COL18A1: variants seen among roughly 807,000 people sequenced by gnomAD.
COL18A1 encodes the protein collagen alpha-1(XVIII) chain.
COL18A1 carries 133 observed loss-of-function variants against 168.0 expected under a neutral mutation model. That is an observed-to-expected ratio of 0.79 (90% CI 0.69 to 0.91). The LOEUF (loss-of-function observed/expected upper bound fraction) is 0.91, where lower values mean the gene tolerates loss of function less well. Among genes scored for constraint, COL18A1 ranks in the 40% least tolerant of loss-of-function variants. The probability of loss-of-function intolerance (pLI) is 0.00; values close to 1 mark genes in which losing one functional copy is unlikely to be tolerated. For synonymous variants in COL18A1, 949 were observed against 809.0 expected, an observed-to-expected ratio of 1.17 and a Z score of -2.94; for missense variants, 2,126 against 1,925.4, an observed-to-expected ratio of 1.10 and a Z score of -1.95.
Position 45,505,139 on chromosome 21 carries a change from C to CA in COL18A1, c.2876dup (p.Glu961ArgfsTer126). 1 of 1,609,492 alleles carries CA rather than the reference C, an allele frequency of 6.2e-7. No individual in the cohort carries two copies. The highest frequency in any genetic ancestry group is 8.5e-7 in the Non-Finnish European group (1 of 1,178,874). The stretch of plus-strand genomic sequence containing the variant: ...TCTCTTGTCGCCGTCCGTAGGGTCC[C>CA]AAGGGAGAGAGCATCCGGGGCCAGC... On this transcript the variant is annotated frameshift_variant, in exon 35 of 42. Coordinates refer to ENST00000651438, the MANE Select transcript of COL18A1 (RefSeq NM_001379500.1). LOFTEE classifies it high-confidence loss of function.
chr21:45,426,186 C>A (rs1403178466), intron 2 of COL18A1, among the ~76,000 whole-genome samples: 1 of 152,104 alleles, frequency 6.6e-6, no homozygotes, highest in Non-Finnish European at 1.5e-5. Context: ...CTCACTGCAA[C>A]CTCTACCTCC....
chr21:45,412,246 T>TTTTTTTTTTTTTG, intron 2 of COL18A1, among the ~76,000 whole-genome samples: 1 of 150,876 alleles, frequency 6.6e-6, no homozygotes, highest in African/African-American at 2.4e-5. Flanking sequence ...TCTTTTTTTT[T>TTTTTTTTTTTTTG]TTTTTTTCGA....
chr21:45,509,154 C>T (rs2037422423), intron 38 of COL18A1, among the ~76,000 whole-genome samples: 2 of 152,028 alleles, frequency 1.3e-5, no homozygotes, highest in Admixed American at 1.3e-4. Flanking sequence ...AGAGGTGACC[C>T]GCGATCCGGC....
intron 2 of COL18A1, among the ~76,000 whole-genome samples, chr21:45,452,544 A>G (rs1489182059): frequency 1.3e-5 from 2 of 151,798 alleles, no homozygotes; most frequent in Admixed American, 6.6e-5. Context: ...GTGATTGTGT[A>G]TGCATGTGAG....
At chr21:45,490,378 G>T (rs774583104) in intron 20 of COL18A1, 32 bp downstream of exon 20, 1 of 1,518,202 alleles carries the variant, frequency 6.6e-7, no homozygotes, top group Admixed American at 2.0e-5. Context: ...AGGGTGCAGG[G>T]GGGGCGTGGA....
At position 45,468,335 on chromosome 21, in the gene COL18A1, C is replaced by G. The variant is rs777039300; in HGVS notation, c.200C>G (p.Ala67Gly). The change falls in exon 3 of 42, where the codon GCC becomes GGC. Residue 67 changes from alanine to glycine, a missense_variant. Ala to Gly is a moderately conservative substitution (Grantham distance 60). Transcript: ENST00000651438. The part of the protein sequence containing the change: ...TQTDDPDVGL[A>G]YVFGPDANSG... ...ACGGATGACCCCGACGTCGGGCTGG[C>G]CTACGTCTTTGGGCCAGATGCCAAC... 6.2e-7 allele frequency: 1 copy of G among 1,613,588 alleles called. No homozygotes were observed.
rs773744285 is a variant in COL18A1, at chr21:45,476,399, C to G, written c.847C>G (p.Pro283Ala). 3.7e-6 allele frequency: 6 copies of G among 1,614,064 alleles called. No individual in the cohort carries two copies. The African/African-American group carries it at 6.7e-5, about 18-fold the overall frequency. Residue 283 changes from proline to alanine, a missense_variant, in exon 6 of 42, where the codon CCA (proline) becomes GCA (alanine). Physicochemically the swap from Pro to Ala is conservative, Grantham distance 27. Transcript: ENST00000651438. Reference sequence around the variant, plus strand: ...CCCCGCGCCACCCCCCGTCACCACGCCACCCTTGGCTGGAGGCAGCAGCAC... The same window carrying G: ...CCCCGCGCCACCCCCCGTCACCACGGCACCCTTGGCTGGAGGCAGCAGCAC... ...RLPAPPPVTT[P>A]PLAGGSSTED...
rs143407489 is a variant in COL18A1, at chr21:45,498,381, C to T, written c.2683+720C>T. On this transcript the variant is annotated intron_variant, in intron 32 of 41. Coordinates refer to ENST00000651438, the MANE Select transcript of COL18A1 (RefSeq NM_001379500.1). The surrounding 1 kb of genome is among the most constrained non-coding windows in gnomAD (Gnocchi z 4.5). ...CCCTCTCGCCACCACGGTCCCCTCT[C>T]GCCGCCAGGGTCCCCTCTCGCCGCC... 2,334 of 659,086 alleles carry T rather than the reference C, an allele frequency of 3.5e-3. 36 individuals carry two copies. Among genetic ancestry groups the T allele is most frequent in the African/African-American group, 0.034 (1,835 of 53,792 alleles). 40.8% of individuals were successfully genotyped at this position (659,086 alleles called of 1,614,324 possible). A position where few individuals can be genotyped will look rare whatever the true frequency, so the allele number is the denominator to read the frequency against.
intron 2 of COL18A1, among the ~76,000 whole-genome samples, chr21:45,432,645 G>A (rs11908976): frequency 0.022 from 3,303 of 152,334 alleles, 117 homozygotes; most frequent in African/African-American, 0.074. Context: ...GTCAGAGCGC[G>A]GCAGGACAAT....
rs1602395910 is a variant in COL18A1, at chr21:45,443,015, G to T, written c.107-25227G>T. Among the ~76,000 whole-genome samples the T allele has an allele frequency of 8.2e-6, 1 of 122,542 alleles. No individual in the cohort carries two copies. The highest frequency in any genetic ancestry group is 2.3e-4 in the East Asian group (1 of 4,440). The allele number at this position is 122,542 out of a possible 152,430, so 80.4% of individuals were successfully genotyped here. A position where few individuals can be genotyped will look rare whatever the true frequency, so the allele number is the denominator to read the frequency against. The stretch of plus-strand genomic sequence containing the variant: ...CTGGTGTGGGCGGCGGTGCTGATGT[G>T]GGTGGTGGTGGTGCTGATGTGGGCG... On this transcript the variant is annotated intron_variant, in intron 2 of 41. Coordinates refer to ENST00000651438, the MANE Select transcript of COL18A1 (RefSeq NM_001379500.1). The surrounding 1 kb of genome is among the most constrained non-coding windows in gnomAD (Gnocchi z 5.2).
intron 2 of COL18A1, among the ~76,000 whole-genome samples, chr21:45,433,197 G>A (rs992640547): frequency 6.6e-6 from 1 of 152,218 alleles, no homozygotes; most frequent in Admixed American, 6.5e-5. Flanking sequence ...AGAGGGACGC[G>A]CTGGGTTTGT....
chr21:45,501,182 C>T (rs541946396), intron 32 of COL18A1, among the ~76,000 whole-genome samples: 5 of 151,836 alleles, frequency 3.3e-5, no homozygotes, highest in African/African-American at 7.3e-5. Flanking sequence ...ATTGAGACAA[C>T]GGAGCAAGTC....
chr21:45,421,367 G>A, intron 2 of COL18A1: 1 of 529,214 alleles, frequency 1.9e-6, no homozygotes, highest in Non-Finnish European at 3.9e-6. Flanking sequence ...CAGGAGAGCT[G>A]GGAAGGGAAG....
At chr21:45,508,457 G>A (rs1216309170) in intron 38 of COL18A1, among the ~76,000 whole-genome samples, 1 of 143,978 alleles carries the variant, frequency 6.9e-6, no homozygotes, top group Non-Finnish European at 1.5e-5. Context: ...GTGAGTGGAT[G>A]GGTGGATGGA....
rs770956019 is a variant in COL18A1 at position 45,488,435 on chromosome 21, G to A, written c.1914G>A (p.Pro638=). The change falls in exon 18 of 42, where the codon CCG becomes CCA. Residue 638 remains proline, a synonymous_variant. Transcript: ENST00000651438. ...ADGPQGPPGL[P]GLKGDPGVPG... ...CCTGACAGGGACCTCCCGGCCTGCC[G>A]GGACTTAAGGTCAGTGACGGATATG... is the stretch of plus-strand genomic sequence containing the variant. The A allele has an allele frequency of 9.9e-6, 16 of 1,613,742 alleles. No individual in the cohort carries two copies. Among genetic ancestry groups the A allele is most frequent in the South Asian group, 3.3e-5 (3 of 91,082 alleles).
chr21:45,504,600 T>A, intron 34 of COL18A1, 44 bp downstream of exon 34: 1 of 1,537,782 alleles, frequency 6.5e-7, no homozygotes, highest in Non-Finnish European at 8.8e-7. Context: ...CCCAGGGGTC[T>A]GGGTGCAGGA....
chr21:45,505,805 C>CCCCCCCCCCCA (rs1602620544), intron 36 of COL18A1, 33 bp from the exon 37 acceptor site: 1 of 1,562,786 alleles, frequency 6.4e-7, no homozygotes, highest in Non-Finnish European at 8.7e-7. Context: ...CCCTCCCCGC[C>CCCCCCCCCCCA]AAGCCCCACA....
chr21:45,441,502 G>T (rs1166662259), intron 2 of COL18A1, among the ~76,000 whole-genome samples: 2 of 152,186 alleles, frequency 1.3e-5, no homozygotes, highest in Non-Finnish European at 2.9e-5. Context: ...AGGGCTGCCA[G>T]CTCCTGGCCT....
At chr21:45,439,341 C>T (rs2145810829) in intron 2 of COL18A1, among the ~76,000 whole-genome samples, 1 of 152,312 alleles carries the variant, frequency 6.6e-6, no homozygotes, top group East Asian at 1.9e-4. Flanking sequence ...GTGCGTGCCT[C>T]GTGTGCGTGT....
Sources: allele counts gnomAD v4.1 joint callset (sites outside exome capture counted in the v4.1 genomes callset), GRCh38; gene constraint gnomAD v4.1.1; non-coding constraint Gnocchi (gnomAD v3.1); transcripts MANE v1.5; gene names NCBI Gene and HGNC (gene_info 2026-07-23, HGNC 2026-07-21).